Variants in CSNK1G1 observed in about 807,000 individuals in gnomAD.
The protein encoded by CSNK1G1 is casein kinase 1 gamma 1.
CSNK1G1 carries 22 observed loss-of-function variants against 59.6 expected under a neutral mutation model. The observed-to-expected ratio is 0.37, with a 90% CI of 0.26 to 0.53. The LOEUF (loss-of-function observed/expected upper bound fraction) is 0.53. Ranked by LOEUF, CSNK1G1 falls within the 20% of genes least tolerant of loss-of-function variation. CSNK1G1 has a pLI of 0.89. For synonymous variants in CSNK1G1, 179 were observed against 177.1 expected, an observed-to-expected ratio of 1.01 and a Z score of -0.08; for missense variants, 384 against 519.5, an observed-to-expected ratio of 0.74 and a Z score of 2.54.
rs534337574 is a variant in CSNK1G1, at chr15:64,246,060, T to C, written c.292+5452A>G. Among the ~76,000 whole-genome samples the C allele has an allele frequency of 3.9e-5, 6 of 152,218 alleles. No homozygotes were observed. The South Asian group carries it at 1.2e-3, about 32-fold the overall frequency. On this transcript the variant is annotated intron_variant, in intron 4 of 11. Transcript: ENST00000303052. ...GACTATAGTTAACAATAATTTATTG[T>C]ATATTTCAAAATAGCCAGAAGAGTA...
chr15:64,330,402 T>C (rs2140456195), intron 1 of CSNK1G1, among the ~76,000 whole-genome samples: 1 of 151,628 alleles, frequency 6.6e-6, no homozygotes, highest in Admixed American at 6.6e-5. Context: ...ATCCAGCATA[T>C]AAACAGAGCC....
In CSNK1G1 at chr15:64,264,221, T is replaced by C. The variant is rs79838735; in HGVS notation, c.182-4980A>G. ...GGGGAAAAGCAAATGGTGAAAGTTG[T>C]ATTTTTACAATATTAATCTGACAAC... On this transcript the variant is annotated intron_variant, in intron 2 of 11. Coordinates refer to ENST00000303052, the MANE Select transcript of CSNK1G1 (RefSeq NM_022048.5). Among the ~76,000 whole-genome samples the C allele has an allele frequency of 1.2e-4, 18 of 152,354 alleles. No homozygotes were observed. In the East Asian group the frequency reaches 3.5e-3, roughly 29 times the overall value.
intron 1 of CSNK1G1, among the ~76,000 whole-genome samples, chr15:64,351,401 A>C (rs1898277788): frequency 6.6e-6 from 1 of 152,226 alleles, no homozygotes; most frequent in Non-Finnish European, 1.5e-5. Context: ...ACAAAGGTTT[A>C]GTCATTTTTA....
At chr15:64,274,327 T>A (rs1893488755) in intron 2 of CSNK1G1, among the ~76,000 whole-genome samples, 2 of 152,142 alleles carry the variant, frequency 1.3e-5, no homozygotes, top group South Asian at 4.1e-4. Context: ...TAATACACAG[T>A]ACTCAAAAAT....
intron 1 of CSNK1G1, among the ~76,000 whole-genome samples, chr15:64,316,238 C>G (rs199858694): frequency 7.1e-6 from 1 of 140,498 alleles, no homozygotes; most frequent in Non-Finnish European, 1.6e-5. Context: ...AACAAACAAA[C>G]AGAAAAAGTT....
Position 64,341,293 on chromosome 15 carries a change from C to T in CSNK1G1, c.-225+14695G>A, listed in dbSNP as rs1442363421. Among the ~76,000 whole-genome samples, 5 of 145,594 alleles carry T rather than the reference C, an allele frequency of 3.4e-5. 2 individuals are homozygous for T. Among genetic ancestry groups the T allele is most frequent in the African/African-American group, 1.3e-4 (5 of 39,554 alleles). On this transcript the variant is annotated intron_variant, in intron 1 of 11. Coordinates refer to ENST00000303052, the MANE Select transcript of CSNK1G1 (RefSeq NM_022048.5). The stretch of plus-strand genomic sequence containing the variant: ...GTGCTGGGATTACAGGCGTGAGCCA[C>T]CGCGCCCGGCCAATTTTTATCTTTT...
At position 64,300,700 on chromosome 15, in the gene CSNK1G1, A is replaced by C. The variant is rs1354652690; in HGVS notation, c.-201T>G. 1 of 1,253,292 alleles carries C rather than the reference A, an allele frequency of 8.0e-7. No individual in the cohort carries two copies. The highest frequency in any genetic ancestry group is 1.5e-5 in the African/African-American group (1 of 64,962). The allele number at this position is 1,253,292 out of a possible 1,614,324, so 77.6% of individuals were successfully genotyped here. ...GTAGGAAATGTAGTCACTAGGTCTC[A>C]ATCTTAGGTGAACATCTTGTAACCT... On this transcript the variant is annotated 5_prime_UTR_variant, in exon 2 of 12. The change creates a new upstream start codon in the 5' untranslated region. Transcript: ENST00000303052.
chr15:64,189,660 A>T (rs986341357), intron 10 of CSNK1G1, among the ~76,000 whole-genome samples: 7 of 152,172 alleles, frequency 4.6e-5, no homozygotes, highest in African/African-American at 1.4e-4. Context: ...TGTATTCTAT[A>T]AAAAACGAAG....
chr15:64,211,676 C>CA (rs2140260708), intron 6 of CSNK1G1, among the ~76,000 whole-genome samples: 1 of 152,326 alleles, frequency 6.6e-6, no homozygotes, highest in East Asian at 1.9e-4. Context: ...CCATATATTA[C>CA]AGGCATAATT....
chr15:64,337,389 C>T (rs1023571017), intron 1 of CSNK1G1, among the ~76,000 whole-genome samples: 1 of 152,156 alleles, frequency 6.6e-6, no homozygotes. Context: ...TGCTCTGCCA[C>T]CCAGGCTGAA....
intron 11 of CSNK1G1, among the ~76,000 whole-genome samples, chr15:64,172,951 C>G (rs1361649376): frequency 6.6e-6 from 1 of 152,054 alleles, no homozygotes; most frequent in Non-Finnish European, 1.5e-5. Flanking sequence ...GCAAGGTGTA[C>G]AAGATATGTC....
chr15:64,173,776 G>C (rs2081706694), intron 11 of CSNK1G1, among the ~76,000 whole-genome samples: 1 of 151,686 alleles, frequency 6.6e-6, no homozygotes, highest in South Asian at 2.1e-4. Context: ...AGCACACCCG[G>C]CTAATTTTTG....
In CSNK1G1 at chr15:64,166,094, A is replaced by C; in HGVS notation, c.*5837T>G. 1.6e-6 allele frequency: 1 copy of C among 623,370 alleles called. No individual in the cohort carries two copies. Among genetic ancestry groups the C allele is most frequent in the Non-Finnish European group, 2.8e-6 (1 of 352,674 alleles). 38.6% of individuals were successfully genotyped at this position (623,370 alleles called of 1,614,324 possible). A position where few individuals can be genotyped will look rare whatever the true frequency, so the allele number is the denominator to read the frequency against. ...AACATTATACATCTAAAAAAAAAAA[A>C]AGTAAAAAAAGAGGCATTTAACAAT... On this transcript the variant is annotated 3_prime_UTR_variant, in exon 12 of 12. Coordinates refer to ENST00000303052, the MANE Select transcript of CSNK1G1 (RefSeq NM_022048.5). This position sits in a 1 kb window ranked among gnomAD's most constrained non-coding sequence, Gnocchi z 4.5.
At chr15:64,277,814 AT>A in intron 2 of CSNK1G1, among the ~76,000 whole-genome samples, 1 of 134,248 alleles carries the variant, frequency 7.4e-6, no homozygotes, top group South Asian at 2.2e-4. Flanking sequence ...ATATATTAAT[AT>A]TGATATATTT....
At chr15:64,247,025 T>A (rs1445213810) in intron 4 of CSNK1G1, among the ~76,000 whole-genome samples, 1 of 152,150 alleles carries the variant, frequency 6.6e-6, no homozygotes, top group East Asian at 1.9e-4. Context: ...TCTCATACTG[T>A]CACTCTTCCT....
At chr15:64,344,354 C>T (rs557694404) in intron 1 of CSNK1G1, among the ~76,000 whole-genome samples, 1 of 152,286 alleles carries the variant, frequency 6.6e-6, no homozygotes, top group Non-Finnish European at 1.5e-5. Context: ...TTTATAAATA[C>T]ACCACATGAA....
chr15:64,269,113 G>A (rs1049429370), intron 2 of CSNK1G1, among the ~76,000 whole-genome samples: 6 of 152,104 alleles, frequency 3.9e-5, no homozygotes, highest in African/African-American at 1.4e-4. Context: ...TGTCTTAAAT[G>A]TATGTATAGC....
chr15:64,226,823 TAA>T (rs2082469106), intron 4 of CSNK1G1, among the ~76,000 whole-genome samples: 1 of 151,958 alleles, frequency 6.6e-6, no homozygotes. Flanking sequence ...AATTAACAAC[TAA>T]AAAGTCAAGA....
At chr15:64,312,788 C>T (rs993220811) in intron 1 of CSNK1G1, among the ~76,000 whole-genome samples, 1 of 152,116 alleles carries the variant, frequency 6.6e-6, no homozygotes, top group Non-Finnish European at 1.5e-5. Context: ...TGCTGCACAG[C>T]AAAAGAAACT....
Sources: gnomAD v4.1 joint callset for allele counts (sites outside exome capture counted in the v4.1 genomes callset) on GRCh38, gnomAD v4.1.1 for gene constraint, Gnocchi (gnomAD v3.1) non-coding constraint, MANE v1.5 for transcripts, NCBI Gene and HGNC (gene_info 2026-07-23, HGNC 2026-07-21) for gene names.